BCAS3: variants seen among roughly 807,000 people sequenced by gnomAD.
The protein encoded by BCAS3 is BCAS4/BCAS3 fusion.
BCAS3 carries 53 observed loss-of-function variants against 116.1 expected under a neutral mutation model. That is an observed-to-expected ratio of 0.46 (90% CI 0.37 to 0.57). The LOEUF is 0.57. Ranked by LOEUF, BCAS3 falls within the 20% of genes least tolerant of loss-of-function variation. The pLI, the probability that BCAS3 is intolerant of heterozygous loss-of-function variation, is 0.00. For missense variants in BCAS3, 917 were observed against 1,165.4 expected (o/e 0.79, Z 3.10); for synonymous variants, 391 against 408.2 (o/e 0.96, Z 0.51).
In BCAS3 at chr17:60,924,439, C is replaced by T. The variant is rs1249496285; in HGVS notation, c.1026C>T (p.Gly342=). The change falls in exon 13 of 24, where the codon GGC becomes GGT. Residue 342 remains glycine, a synonymous_variant. Coordinates refer to ENST00000407086, the MANE Select transcript of BCAS3 (RefSeq NM_017679.5). The part of the protein sequence containing the change: ...VLVSEDSDSD[G]IVAHFPAHEK... ...TGAGTGAGGATTCTGACAGTGATGG[C>T]ATTGTGGCCCACTTCCCTGCCCATG... The T allele has an allele frequency of 1.2e-6, 2 of 1,612,786 alleles. No individual in the cohort carries two copies. Among genetic ancestry groups the T allele is most frequent in the Non-Finnish European group, 1.7e-6 (2 of 1,179,634 alleles).
In BCAS3 at chr17:60,939,769, T is replaced by A. The variant is rs76410162; in HGVS notation, c.1088-7450T>A. The stretch of plus-strand genomic sequence containing the variant: ...CAGGTATATGTATTTGTCAGATTCA[T>A]CATACTGTACATCTAAAATGAATCT... On this transcript the variant is annotated intron_variant, in intron 13 of 23. Transcript: ENST00000407086. Among the ~76,000 whole-genome samples, 737 of 152,336 alleles carry A rather than the reference T, an allele frequency of 4.8e-3. 10 individuals carry two copies. The highest frequency in any genetic ancestry group is 0.032 in the Admixed American group (483 of 15,296).
chr17:60,804,797 A>G (rs1378305466), intron 6 of BCAS3, among the ~76,000 whole-genome samples: 1 of 152,192 alleles, frequency 6.6e-6, no homozygotes, highest in Non-Finnish European at 1.5e-5. Context: ...AGAAAATTTA[A>G]TCAAATTTTT....
intron 22 of BCAS3, among the ~76,000 whole-genome samples, chr17:61,303,472 A>G (rs1361642551): frequency 1.3e-5 from 2 of 152,184 alleles, no homozygotes; most frequent in Non-Finnish European, 2.9e-5. Flanking sequence ...GTTCAGCTCC[A>G]TCGCCACTCA....
rs2057533227 is a variant in BCAS3, at chr17:61,346,925, A to G, written c.2426-21402A>G. ...TCAAATCTGCAGAAGGCAGTTCGTC[A>G]TGTCACTTGGTCACTTGGCACCTCT... On this transcript the variant is annotated intron_variant, in intron 22 of 23. Transcript: ENST00000407086. This position sits in a 1 kb window ranked among gnomAD's most constrained non-coding sequence, Gnocchi z 5.4. Among the ~76,000 whole-genome samples the G allele has an allele frequency of 6.6e-6, 1 of 152,222 alleles. No homozygotes were observed. The highest frequency in any genetic ancestry group is 2.4e-5 in the African/African-American group (1 of 41,446).
intron 12 of BCAS3, among the ~76,000 whole-genome samples, chr17:60,918,017 T>C (rs1180743504): frequency 2.1e-4 from 32 of 152,236 alleles, no homozygotes; most frequent in Admixed American, 2.1e-3. Context: ...ATGGTAATTC[T>C]ATATTTAATT....
intron 7 of BCAS3, among the ~76,000 whole-genome samples, chr17:60,820,144 C>T (rs2049811230): frequency 6.6e-6 from 1 of 151,578 alleles, no homozygotes; most frequent in Non-Finnish European, 1.5e-5. Context: ...GATCTTGGCT[C>T]ACTGCAAGCT....
At chr17:61,292,699 G>C (rs968557546) in intron 22 of BCAS3, among the ~76,000 whole-genome samples, 3 of 152,062 alleles carry the variant, frequency 2.0e-5, no homozygotes, top group Admixed American at 6.6e-5. Flanking sequence ...TTATGCTTGG[G>C]GGTCAGGCAG....
intron 6 of BCAS3, among the ~76,000 whole-genome samples, chr17:60,751,469 T>C (rs2042447393): frequency 6.6e-6 from 1 of 152,232 alleles, no homozygotes. Flanking sequence ...GTATGTATAT[T>C]TTAATATACA....
At chr17:60,747,960 C>G (rs1002391836) in intron 6 of BCAS3, among the ~76,000 whole-genome samples, 7 of 151,994 alleles carry the variant, frequency 4.6e-5, no homozygotes, top group African/African-American at 1.7e-4. Context: ...CTCCTTAATA[C>G]TTTGAGTTTT....
chr17:60,770,400 C>CTTT lies in BCAS3; in HGVS notation c.403+23156_403+23158dup, dbSNP rs35691381. Among the ~76,000 whole-genome samples, 47 of 76,900 alleles carry CTTT rather than the reference C, an allele frequency of 6.1e-4. 12 individuals are homozygous for CTTT. Among genetic ancestry groups the CTTT allele is most frequent in the East Asian group, 4.7e-3 (9 of 1,918 alleles). 50.4% of individuals were successfully genotyped at this position (76,900 alleles called of 152,430 possible). A position where few individuals can be genotyped will look rare whatever the true frequency, so the allele number is the denominator to read the frequency against. On this transcript the variant is annotated intron_variant, in intron 6 of 23. Transcript: ENST00000407086. ...CGCCTCTCTCATCCCAGTGTTCCCT[C>CTTT]TTTTTTTTTTTTTTTTTTTTTTTTT... is the stretch of plus-strand genomic sequence containing the variant.
intron 15 of BCAS3, among the ~76,000 whole-genome samples, chr17:60,992,725 TATAAA>T (rs1213289524): frequency 1.3e-5 from 2 of 152,224 alleles, no homozygotes; most frequent in Non-Finnish European, 2.9e-5. Flanking sequence ...ATAGAATTTT[TATAAA>T]ATAAAATTTA....
chr17:60,824,504 T>C (rs2050214066), intron 7 of BCAS3, among the ~76,000 whole-genome samples: 1 of 152,214 alleles, frequency 6.6e-6, no homozygotes, highest in Non-Finnish European at 1.5e-5. Flanking sequence ...TAGCCCAGGC[T>C]TTGATCCAAC....
chr17:61,321,922 T>TTTTG (rs371688049), intron 22 of BCAS3, among the ~76,000 whole-genome samples: 75 of 145,826 alleles, frequency 5.1e-4, no homozygotes, highest in East Asian at 2.9e-3. Context: ...CTATCCCGTT[T>TTTTG]TTTGTTTGTT....
chr17:60,811,576 A>G (rs936514629), intron 7 of BCAS3: 2 of 337,916 alleles, frequency 5.9e-6, no homozygotes, highest in African/African-American at 4.3e-5. Flanking sequence ...GTTAAATTTT[A>G]CAAAGATTTT....
At chr17:60,754,446 A>G (rs12941726) in intron 6 of BCAS3, among the ~76,000 whole-genome samples, 110,244 of 151,906 alleles carry the variant, frequency 0.73, 45,709 homozygotes, top group South Asian at 0.98. Flanking sequence ...TGTGATGCAC[A>G]GGCTGGTCTT....
intron 22 of BCAS3, among the ~76,000 whole-genome samples, chr17:61,207,116 T>G (rs17512515): frequency 0.11 from 16,798 of 152,158 alleles, 1,182 homozygotes; most frequent in Non-Finnish European, 0.16. Flanking sequence ...CATGAACTCT[T>G]GCAGTGTGCC....
chr17:61,078,163 T>C (rs2072209757), intron 20 of BCAS3, among the ~76,000 whole-genome samples, 170 bp from the exon 21 acceptor site: 1 of 152,218 alleles, frequency 6.6e-6, no homozygotes, highest in African/African-American at 2.4e-5. Flanking sequence ...TTTGAATGTC[T>C]ACATCAGCTG....
rs765351399 is a variant in BCAS3 at position 60,766,929 on chromosome 17, T to C, written c.403+19650T>C. On this transcript the variant is annotated intron_variant, in intron 6 of 23. Coordinates refer to ENST00000407086, the MANE Select transcript of BCAS3 (RefSeq NM_017679.5). ...GCGGATGCCCCTCCCCCAGCCAGGC[T>C]TACTGCCTTGCAGTTTGATCTCGGA... Among the ~76,000 whole-genome samples, 51 of 152,234 alleles carry C rather than the reference T, an allele frequency of 3.4e-4. 1 individual carries two copies. The highest frequency in any genetic ancestry group is 1.0e-4 in the Non-Finnish European group (7 of 68,036).
intron 6 of BCAS3, among the ~76,000 whole-genome samples, chr17:60,771,860 CCA>C (rs1442547098): frequency 2.0e-5 from 3 of 152,180 alleles, no homozygotes; most frequent in African/African-American, 7.2e-5. Flanking sequence ...CCAGCTTCAT[CCA>C]TGTCCCTACA....
Sources: gnomAD v4.1 joint callset for allele counts (sites outside exome capture counted in the v4.1 genomes callset) on GRCh38, gnomAD v4.1.1 for gene constraint, Gnocchi (gnomAD v3.1) non-coding constraint, MANE v1.5 for transcripts, NCBI Gene and HGNC (gene_info 2026-07-23, HGNC 2026-07-21) for gene names.